The following ELP2 variants were observed in gnomAD, a reference collection of about 807,000 sequenced individuals.
ELP2 encodes the protein elongator complex protein 2.
ELP2 carries 90 observed loss-of-function variants against 119.2 expected under a neutral mutation model. The observed-to-expected ratio is 0.75, with a 90% CI of 0.64 to 0.90. ELP2 has a LOEUF of 0.90. Ranked by LOEUF, ELP2 falls within the 40% of genes least tolerant of loss-of-function variation. The probability of loss-of-function intolerance (pLI) is 0.00; values close to 1 mark genes in which losing one functional copy is unlikely to be tolerated. For synonymous variants in ELP2, 339 were observed against 331.0 expected, an observed-to-expected ratio of 1.02 and a Z score of -0.26; for missense variants, 921 against 967.8, an observed-to-expected ratio of 0.95 and a Z score of 0.64.
At chr18:36,130,832 C>G (rs1243555253) in intron 1 of ELP2, among the ~76,000 whole-genome samples, 1 of 152,116 alleles carries the variant, frequency 6.6e-6, no homozygotes, top group African/African-American at 2.4e-5. Context: ...CAGGAGATGG[C>G]TATATGTATT....
chr18:36,130,097 C>G (rs906878905), intron 1 of ELP2, 26 bp downstream of exon 1: 1 of 1,613,810 alleles, frequency 6.2e-7, no homozygotes, highest in Admixed American at 1.7e-5. Context: ...GGACGGCCGA[C>G]CCTTGTGCTT....
intron 18 of ELP2, 41 bp from the exon 19 acceptor site, chr18:36,167,060 C>G: frequency 6.4e-7 from 1 of 1,556,586 alleles, no homozygotes; most frequent in Non-Finnish European, 8.7e-7. Flanking sequence ...AAAAACCCAG[C>G]TTTCTCTGCT....
chr18:36,132,209 T>G (rs2089659546), intron 1 of ELP2, among the ~76,000 whole-genome samples: 1 of 152,030 alleles, frequency 6.6e-6, no homozygotes. Context: ...TAAGTAAATA[T>G]GGGAATAAAA....
chr18:36,154,879 A>G lies in ELP2; in HGVS notation c.1155A>G (p.Ser385=). 6.2e-7 allele frequency: 1 copy of G among 1,614,124 alleles called. No individual in the cohort carries two copies. The highest frequency in any genetic ancestry group is 1.1e-5 in the South Asian group (1 of 91,084). Residue 385 remains serine, a synonymous_variant, in exon 12 of 22, where the codon TCA becomes TCG. Transcript: ENST00000358232. ...PREWTPEIVI[S]GHFDGVQDLV... is the part of the protein sequence containing the mutation. ...AGTGGACTCCAGAGATTGTCATTTC[A>G]GGACACTTTGATGGTGTCCAAGACC...
intron 5 of ELP2, among the ~76,000 whole-genome samples, chr18:36,140,361 T>A (rs1331318551): frequency 6.6e-6 from 1 of 152,082 alleles, no homozygotes; most frequent in African/African-American, 2.4e-5. Context: ...TATTTTTATT[T>A]TGGGGGATGG....
At chr18:36,144,219 T>C (rs2090128816) in intron 8 of ELP2, among the ~76,000 whole-genome samples, 1 of 152,222 alleles carries the variant, frequency 6.6e-6, no homozygotes, top group East Asian at 1.9e-4. Flanking sequence ...TACCCAAATA[T>C]GAATTTTTTT....
intron 11 of ELP2, 101 bp from the exon 12 acceptor site, chr18:36,154,749 T>C: frequency 1.5e-6 from 2 of 1,337,292 alleles, no homozygotes; most frequent in South Asian, 1.2e-5. Flanking sequence ...CTTTTCACCT[T>C]GCCAGAGGGC....
At chr18:36,142,740 AAT>A in intron 7 of ELP2, 84 bp from the exon 8 acceptor site, 3 of 872,400 alleles carry the variant, frequency 3.4e-6, no homozygotes, top group Admixed American at 2.5e-5. Flanking sequence ...AAAATCTGGA[AAT>A]ATATATATTA....
rs761004859 is a variant in ELP2, at chr18:36,129,983, G to T, written c.50G>T (p.Arg17Leu). 1.2e-6 allele frequency: 2 copies of T among 1,614,196 alleles called. No homozygotes were observed. Among genetic ancestry groups the T allele is most frequent in the East Asian group, 2.2e-5 (1 of 44,886 alleles). Reference sequence around the variant, plus strand: ...TCTCACGTGTTTTGCTGCCCAAACCGGGTGCGGGGAGTCCTGAACTGGAGC... The same window carrying T: ...TCTCACGTGTTTTGCTGCCCAAACCTGGTGCGGGGAGTCCTGAACTGGAGC... ...ETSHVFCCPN[R>L]VRGVLNWSSG... The change falls in exon 1 of 22, where the codon CGG becomes CTG. Residue 17 changes from arginine to leucine, a missense_variant. Coordinates refer to ENST00000358232, the MANE Select transcript of ELP2 (RefSeq NM_018255.4).
rs1449281856 is a variant in ELP2 at position 36,171,165 on chromosome 18, T to C, written c.2324+5T>C. 1 of 1,601,924 alleles carries C rather than the reference T, an allele frequency of 6.2e-7. No individual in the cohort carries two copies. Among genetic ancestry groups the C allele is most frequent in the Admixed American group, 1.7e-5 (1 of 59,990 alleles). On this transcript the variant is annotated splice_donor_5th_base_variant and intron_variant, in intron 21 of 21. Coordinates refer to ENST00000358232, the MANE Select transcript of ELP2 (RefSeq NM_018255.4). The stretch of plus-strand genomic sequence containing the variant: ...CTGTGTAGAAACAAGTCAAAGGTAT[T>C]TCTTTCCTATTTTTGTTTCCATCAG...
chr18:36,146,140 A>T, intron 10 of ELP2, 92 bp downstream of exon 10: 1 of 1,573,646 alleles, frequency 6.4e-7, no homozygotes, highest in South Asian at 1.1e-5. Flanking sequence ...GCAAATTTTC[A>T]CTGTGTACAT....
At position 36,174,601 on chromosome 18, in the gene ELP2, A is replaced by ATT; in HGVS notation, c.2441_2442insTT (p.Thr815SerfsTer3). On this transcript the variant is annotated frameshift_variant, in exon 22 of 22. Transcript: ENST00000358232. LOFTEE classifies it high-confidence loss of function. ...CACTTTGCAAGCTGTGGTGAAGATC[A>ATT]CACTGTGAAGATACACAGAGTCAAT... is the stretch of plus-strand genomic sequence containing the variant. 1 of 1,614,204 alleles carries ATT rather than the reference A, an allele frequency of 6.2e-7. No homozygotes were observed.
intron 14 of ELP2, 101 bp downstream of exon 14, chr18:36,159,005 T>G: frequency 1.2e-6 from 1 of 838,662 alleles, no homozygotes. Context: ...AGCTGATTTT[T>G]TTTTTAAATC....
chr18:36,173,730 T>C (rs1377553557), intron 21 of ELP2, among the ~76,000 whole-genome samples: 1 of 152,246 alleles, frequency 6.6e-6, no homozygotes, highest in Admixed American at 6.5e-5. Flanking sequence ...ATGTGTGTGC[T>C]CTGGTATTGT....
rs1273913973 is a variant in ELP2, at chr18:36,176,625, T to C, written c.*1984T>C. 1 of 152,254 alleles carries C rather than the reference T, an allele frequency of 6.6e-6. No homozygotes were observed. The highest frequency in any genetic ancestry group is 1.5e-5 in the Non-Finnish European group (1 of 68,042). The allele number at this position is 152,254 out of a possible 1,614,324, so 9.4% of individuals were successfully genotyped here. A position where few individuals can be genotyped will look rare whatever the true frequency, so the allele number is the denominator to read the frequency against. ...TTTAGTAAACATTCAGAGGACTTGC[T>C]ACACATCTGGGCAGTCTGCATTGTA... is the stretch of plus-strand genomic sequence containing the variant. On this transcript the variant is annotated 3_prime_UTR_variant, in exon 22 of 22. Transcript: ENST00000358232.
chr18:36,160,893 T>A (rs1361012468), intron 16 of ELP2, 39 bp from the exon 17 acceptor site: 6 of 1,359,030 alleles, frequency 4.4e-6, no homozygotes, highest in Non-Finnish European at 5.3e-6. Flanking sequence ...GAGAATAGAT[T>A]CATTTGCTAA....
In ELP2 at chr18:36,178,557, G is replaced by C. The variant is rs2091272079; in HGVS notation, c.*3916G>C. ...AGGGACAAAGCAAATTTGAACTCTG[G>C]CTGGATATTTGATGATATTAAGGAA... On this transcript the variant is annotated 3_prime_UTR_variant, in exon 22 of 22. Coordinates refer to ENST00000358232, the MANE Select transcript of ELP2 (RefSeq NM_018255.4). 6.6e-6 allele frequency: 1 copy of C among 152,034 alleles called. No individual in the cohort carries two copies. The highest frequency in any genetic ancestry group is 6.6e-5 in the Admixed American group (1 of 15,254). 9.4% of individuals were successfully genotyped at this position (152,034 alleles called of 1,614,324 possible). A position where few individuals can be genotyped will look rare whatever the true frequency, so the allele number is the denominator to read the frequency against.
At chr18:36,168,725 T>C (rs1246882809) in intron 19 of ELP2, among the ~76,000 whole-genome samples, 5 of 151,922 alleles carry the variant, frequency 3.3e-5, no homozygotes, top group Admixed American at 6.6e-5. Context: ...CCAAACCATA[T>C]CACATGCCTA....
chr18:36,166,626 C>A (rs2144789355), intron 18 of ELP2, among the ~76,000 whole-genome samples: 1 of 152,254 alleles, frequency 6.6e-6, no homozygotes, highest in South Asian at 2.1e-4. Flanking sequence ...AGCCACCATG[C>A]CTTGCCAACA....
Sources: allele counts gnomAD v4.1 joint callset (sites outside exome capture counted in the v4.1 genomes callset), GRCh38; gene constraint gnomAD v4.1.1; transcripts MANE v1.5; gene names NCBI Gene and HGNC (gene_info 2026-07-23, HGNC 2026-07-21).